The following CORO2A variants were observed in gnomAD, a reference collection of about 807,000 sequenced individuals.
CORO2A encodes coronin-2A.
In CORO2A, 47 loss-of-function variants were observed where a neutral mutation model predicts 62.4. The ratio of observed to expected loss-of-function variants is 0.75; its 90% CI spans 0.60 to 0.96. The LOEUF (loss-of-function observed/expected upper bound fraction) is 0.96, where lower values mean the gene tolerates loss of function less well. CORO2A is among the 40% of genes least tolerant of loss of function. The pLI, the probability that CORO2A is intolerant of heterozygous loss-of-function variation, is 0.00. For missense variants in CORO2A, 610 were observed against 684.1 expected (o/e 0.89, Z 1.21); for synonymous variants, 273 against 268.9 (o/e 1.02, Z -0.15).
At chr9:98,192,035 G>GC (rs2118953611) in intron 1 of CORO2A, among the ~76,000 whole-genome samples, 1 of 152,318 alleles carries the variant, frequency 6.6e-6, no homozygotes, top group Non-Finnish European at 1.5e-5. Context: ...GCCGGCTGAT[G>GC]CCCCACATGC....
chr9:98,187,857 C>T (rs555991156), intron 1 of CORO2A, among the ~76,000 whole-genome samples: 9 of 152,212 alleles, frequency 5.9e-5, no homozygotes, highest in Non-Finnish European at 1.2e-4. Flanking sequence ...ATTCAAAAGC[C>T]TTCCATGGCT....
intron 1 of CORO2A, among the ~76,000 whole-genome samples, chr9:98,183,302 C>T (rs10217347): frequency 0.076 from 11,616 of 152,216 alleles, 617 homozygotes; most frequent in Non-Finnish European, 0.11. Flanking sequence ...AGTCTTTGTC[C>T]CAAGAAAAGA....
chr9:98,181,954 A>G (rs1828183197), intron 1 of CORO2A, among the ~76,000 whole-genome samples: 1 of 152,162 alleles, frequency 6.6e-6, no homozygotes, highest in South Asian at 2.1e-4. Context: ...CACCTCCTTA[A>G]AAGAGCCATC....
intron 2 of CORO2A, among the ~76,000 whole-genome samples, chr9:98,138,823 T>C (rs967129219): frequency 2.0e-5 from 3 of 151,174 alleles, no homozygotes; most frequent in Non-Finnish European, 4.4e-5. Context: ...CCGAGGCGGG[T>C]GGATCACGAG....
At chr9:98,189,778 G>A (rs1474706153) in intron 1 of CORO2A, among the ~76,000 whole-genome samples, 1 of 152,144 alleles carries the variant, frequency 6.6e-6, no homozygotes, top group South Asian at 2.1e-4. Context: ...GCCAGACTCC[G>A]GTAATGTAAG....
At chr9:98,157,693 G>C in intron 1 of CORO2A, 33 bp from the exon 2 acceptor site, 1 of 1,579,114 alleles carries the variant, frequency 6.3e-7, no homozygotes, top group Non-Finnish European at 8.7e-7. Context: ...AGGGTATGAG[G>C]CTCACTGCCC....
chr9:98,167,689 C>T (rs1374160110), intron 1 of CORO2A, among the ~76,000 whole-genome samples: 1 of 152,038 alleles, frequency 6.6e-6, no homozygotes, highest in Non-Finnish European at 1.5e-5. Context: ...TGAGTGGGCA[C>T]CTGACAGTAT....
chr9:98,132,423 C>T, intron 5 of CORO2A, 122 bp from the exon 6 acceptor site: 1 of 715,426 alleles, frequency 1.4e-6, no homozygotes. Context: ...TTTCTCACCC[C>T]AGCTCTGCCT....
intron 1 of CORO2A, among the ~76,000 whole-genome samples, chr9:98,170,255 C>A (rs149381266): frequency 3.9e-5 from 6 of 152,260 alleles, no homozygotes; most frequent in Non-Finnish European, 8.8e-5. Flanking sequence ...GATGGTTCTC[C>A]CCTTCTGCTG....
At chr9:98,129,748 C>G in intron 8 of CORO2A, 46 bp downstream of exon 8, 1 of 1,483,604 alleles carries the variant, frequency 6.7e-7, no homozygotes, top group Non-Finnish European at 9.4e-7. Flanking sequence ...CTCGGCCTCC[C>G]GAAGTGCTGG....
intron 2 of CORO2A, among the ~76,000 whole-genome samples, chr9:98,146,222 C>T (rs1384692350): frequency 6.6e-6 from 1 of 152,222 alleles, no homozygotes; most frequent in East Asian, 1.9e-4. Flanking sequence ...ACCTTCTTCA[C>T]CCCCTCCCTG....
At chr9:98,166,904 C>A (rs1010537245) in intron 1 of CORO2A, among the ~76,000 whole-genome samples, 2 of 151,572 alleles carry the variant, frequency 1.3e-5, no homozygotes, top group Non-Finnish European at 2.9e-5. Context: ...AGTTCAAGAC[C>A]AGCCTGGGTG....
intron 2 of CORO2A, among the ~76,000 whole-genome samples, chr9:98,143,284 T>C (rs1207550254): frequency 2.0e-5 from 3 of 152,102 alleles, no homozygotes; most frequent in Non-Finnish European, 4.4e-5. Flanking sequence ...ACGGCTGACC[T>C]CCATTGCCAG....
At chr9:98,168,805 C>T (rs1827994795) in intron 1 of CORO2A, among the ~76,000 whole-genome samples, 1 of 152,236 alleles carries the variant, frequency 6.6e-6, no homozygotes, top group African/African-American at 2.4e-5. Flanking sequence ...AGCAGCCTCC[C>T]AGGGGCCAAG....
intron 6 of CORO2A, among the ~76,000 whole-genome samples, chr9:98,131,820 T>C (rs904728240): frequency 6.6e-6 from 1 of 152,064 alleles, no homozygotes; most frequent in African/African-American, 2.4e-5. Flanking sequence ...GCTGTCCCAA[T>C]GAAAGCTCCT....
chr9:98,189,937 T>C (rs970055726), intron 1 of CORO2A, among the ~76,000 whole-genome samples: 5 of 151,838 alleles, frequency 3.3e-5, no homozygotes, highest in Admixed American at 1.3e-4. Flanking sequence ...CAGGCTGGAG[T>C]GCAGTGGCAC....
chr9:98,126,118 C>A (rs376880021), intron 11 of CORO2A, among the ~76,000 whole-genome samples: 1 of 150,654 alleles, frequency 6.6e-6, no homozygotes. Flanking sequence ...TCACTGCAAC[C>A]TCCACCTCCC....
At chr9:98,172,116 G>A (rs1588011757) in intron 1 of CORO2A, among the ~76,000 whole-genome samples, 1 of 152,004 alleles carries the variant, frequency 6.6e-6, no homozygotes, top group Non-Finnish European at 1.5e-5. Context: ...GAGGAAAAGG[G>A]TGTGACTGCC....
chr9:98,178,196 G>C (rs1398629456), intron 1 of CORO2A, among the ~76,000 whole-genome samples: 1 of 152,082 alleles, frequency 6.6e-6, no homozygotes, highest in African/African-American at 2.4e-5. Context: ...ACAGGCATGA[G>C]CCACCATGCC....
Sources: gnomAD v4.1 joint callset for allele counts (sites outside exome capture counted in the v4.1 genomes callset) on GRCh38, gnomAD v4.1.1 for gene constraint, MANE v1.5 for transcripts, NCBI Gene and HGNC (gene_info 2026-07-23, HGNC 2026-07-21) for gene names.